ADGRL4: variants seen among roughly 807,000 people sequenced by gnomAD.
The protein encoded by ADGRL4 is adhesion G protein-coupled receptor L4.
Under a neutral mutation model 74.8 loss-of-function variants are expected in ADGRL4, and 90 were observed. That is an observed-to-expected ratio of 1.20 (90% CI 1.02 to 1.43). ADGRL4 has a LOEUF of 1.43. Ranked by LOEUF, ADGRL4 falls within the 40% of genes most tolerant of loss-of-function variation. ADGRL4 has a pLI of 0.00. For synonymous variants in ADGRL4, 311 were observed against 279.2 expected (o/e 1.11, Z -1.14); for missense variants, 881 against 814.3 (o/e 1.08, Z -1.00).
chr1:78,899,413 G>A lies in ADGRL4; in HGVS notation c.1750-6224C>T, dbSNP rs901633814. Among the ~76,000 whole-genome samples the A allele has an allele frequency of 5.3e-5, 8 of 152,180 alleles. No individual in the cohort carries two copies. The East Asian group carries it at 5.8e-4, about 11-fold the overall frequency. ...TCTGTTGCCCAGGCTGGAGTGCAGCGGTGCAATCATAGTCCACTGCAACCT... is the reference window on the plus strand; with the variant it reads ...TCTGTTGCCCAGGCTGGAGTGCAGCAGTGCAATCATAGTCCACTGCAACCT... On this transcript the variant is annotated intron_variant, in intron 12 of 14. Coordinates refer to ENST00000370742, the MANE Select transcript of ADGRL4 (RefSeq NM_022159.4).
intron 2 of ADGRL4, among the ~76,000 whole-genome samples, chr1:78,978,594 G>C (rs1650337268): frequency 7.0e-6 from 1 of 143,564 alleles, no homozygotes; most frequent in Non-Finnish European, 1.5e-5. Context: ...CCTTTGAGCA[G>C]GATTTCCCAA....
At chr1:78,910,810 C>T (rs1376021907) in intron 12 of ADGRL4, among the ~76,000 whole-genome samples, 1 of 151,734 alleles carries the variant, frequency 6.6e-6, no homozygotes, top group African/African-American at 2.4e-5. Flanking sequence ...AGTACAGTCA[C>T]AATCTTAACA....
At chr1:78,932,509 A>G (rs754345387) in intron 7 of ADGRL4, among the ~76,000 whole-genome samples, 11 of 151,026 alleles carry the variant, frequency 7.3e-5, no homozygotes, top group Non-Finnish European at 1.6e-4. Context: ...TCACAATTAA[A>G]AGAGCTAGAG....
intron 2 of ADGRL4, among the ~76,000 whole-genome samples, chr1:78,999,641 A>G (rs540773857): frequency 6.6e-6 from 1 of 152,296 alleles, no homozygotes; most frequent in East Asian, 1.9e-4. Flanking sequence ...TTCAAAATAT[A>G]TGGCAGAACA....
intron 7 of ADGRL4, among the ~76,000 whole-genome samples, chr1:78,929,352 A>T (rs1306335212): frequency 1.3e-5 from 2 of 151,300 alleles, no homozygotes; most frequent in East Asian, 1.9e-4. Flanking sequence ...ACGTCTCTAC[A>T]AAAAATAGAA....
intron 12 of ADGRL4, among the ~76,000 whole-genome samples, chr1:78,904,533 C>A (rs1648590692): frequency 6.6e-6 from 1 of 151,836 alleles, no homozygotes; most frequent in Admixed American, 6.6e-5. Context: ...AAATGAAAGA[C>A]ATTTTCAAGA....
chr1:78,995,595 A>T (rs1398029121), intron 2 of ADGRL4, among the ~76,000 whole-genome samples: 2 of 152,238 alleles, frequency 1.3e-5, no homozygotes, highest in African/African-American at 4.8e-5. Flanking sequence ...CAGGCAAGAG[A>T]TCAAAATCCA....
At position 78,929,668 on chromosome 1, in the gene ADGRL4, T is replaced by C. The variant is rs968815637; in HGVS notation, c.878-2577A>G. Among the ~76,000 whole-genome samples, 57 of 151,642 alleles carry C rather than the reference T, an allele frequency of 3.8e-4. 2 individuals carry two copies. The highest frequency in any genetic ancestry group is 1.3e-3 in the African/African-American group (55 of 40,906). On this transcript the variant is annotated intron_variant, in intron 7 of 14. Transcript: ENST00000370742. ...TGCAGACATCATTGAGAGGGTTTGA[T>C]CAATGTGTTAGATTTGTCCTTATTT...
At chr1:78,959,344 G>A (rs1464286175) in intron 2 of ADGRL4, among the ~76,000 whole-genome samples, 1 of 152,118 alleles carries the variant, frequency 6.6e-6, no homozygotes, top group East Asian at 1.9e-4. Flanking sequence ...CTACAAAATT[G>A]GCAAAGTATA....
At chr1:78,903,097 G>T (rs1002923750) in intron 12 of ADGRL4, among the ~76,000 whole-genome samples, 1 of 152,012 alleles carries the variant, frequency 6.6e-6, no homozygotes, top group Non-Finnish European at 1.5e-5. Flanking sequence ...AATGACACTG[G>T]TGTCCTCACT....
intron 3 of ADGRL4, among the ~76,000 whole-genome samples, chr1:78,941,982 G>A (rs1649494231): frequency 1.3e-5 from 2 of 151,668 alleles, no homozygotes; most frequent in Non-Finnish European, 2.9e-5. Flanking sequence ...GGTGGATCAC[G>A]AGGTCAGGAG....
chr1:78,917,585 T>A (rs758198514), intron 12 of ADGRL4, 49 bp downstream of exon 12: 1 of 1,302,704 alleles, frequency 7.7e-7, no homozygotes, highest in Non-Finnish European at 1.1e-6. Flanking sequence ...TTAAGCACCC[T>A]ATGATCATCA....
At chr1:78,978,952 A>G (rs992662600) in intron 2 of ADGRL4, among the ~76,000 whole-genome samples, 16 of 151,902 alleles carry the variant, frequency 1.1e-4, no homozygotes, top group African/African-American at 3.6e-4. Context: ...TGGACTGTGA[A>G]TATTTAGTAT....
chr1:78,969,386 T>C (rs1231342177), intron 2 of ADGRL4, among the ~76,000 whole-genome samples: 2 of 152,174 alleles, frequency 1.3e-5, no homozygotes, highest in African/African-American at 4.8e-5. Context: ...GAAACTTGCC[T>C]AGACAGTCCC....
In ADGRL4 at chr1:78,939,206, A is replaced by C; in HGVS notation, c.378T>G (p.Ile126Met). ...HLDNVCIAANINKTLTKIRSI... is the reference protein window; with the variant it reads ...HLDNVCIAANMNKTLTKIRSI... Reference sequence around the variant, plus strand: ...TACTTACTTTTGTTAAAGTTTTATTAATATTTGCAGCTATACAGACATTAT... The same window carrying C: ...TACTTACTTTTGTTAAAGTTTTATTCATATTTGCAGCTATACAGACATTAT... Residue 126 changes from isoleucine (I) to methionine (M), a missense_variant, in exon 4 of 15, where the codon ATT (isoleucine) becomes ATG (methionine). Coordinates refer to ENST00000370742, the MANE Select transcript of ADGRL4 (RefSeq NM_022159.4). 1 of 1,561,122 alleles carries C rather than the reference A, an allele frequency of 6.4e-7. No individual in the cohort carries two copies. Among genetic ancestry groups the C allele is most frequent in the South Asian group, 1.2e-5 (1 of 82,748 alleles).
intron 13 of ADGRL4, among the ~76,000 whole-genome samples, 190 bp from the exon 14 acceptor site, chr1:78,891,882 G>C (rs1356118462): frequency 6.6e-6 from 1 of 152,150 alleles, no homozygotes; most frequent in East Asian, 1.9e-4. Flanking sequence ...GTATGTTGCT[G>C]CTACTGAACC....
In ADGRL4 at chr1:78,994,649, A is replaced by G. The variant is rs893442077; in HGVS notation, c.172+10421T>C. ...TAGAGAGCATGATTAAAAACAAACAATTATTACTGACAGATAAAATTTTTT... is the reference window on the plus strand; with the variant it reads ...TAGAGAGCATGATTAAAAACAAACAGTTATTACTGACAGATAAAATTTTTT... On this transcript the variant is annotated intron_variant, in intron 2 of 14. Transcript: ENST00000370742. Among the ~76,000 whole-genome samples, 57 of 152,200 alleles carry G rather than the reference A, an allele frequency of 3.7e-4. 1 individual carries two copies. The highest frequency in any genetic ancestry group is 3.3e-3 in the Admixed American group (50 of 15,280).
chr1:78,957,443 C>T (rs1235965309), intron 2 of ADGRL4, among the ~76,000 whole-genome samples: 4 of 152,164 alleles, frequency 2.6e-5, no homozygotes, highest in Non-Finnish European at 4.4e-5. Context: ...CTCCAGTGAA[C>T]ATACAAATGC....
At chr1:78,960,095 T>A (rs1270132151) in intron 2 of ADGRL4, among the ~76,000 whole-genome samples, 1 of 152,200 alleles carries the variant, frequency 6.6e-6, no homozygotes, top group East Asian at 1.9e-4. Context: ...ATGAATCTCA[T>A]CCCTCATTGC....
Sources: gnomAD v4.1 joint callset for allele counts (sites outside exome capture counted in the v4.1 genomes callset) on GRCh38, gnomAD v4.1.1 for gene constraint, MANE v1.5 for transcripts, NCBI Gene and HGNC (gene_info 2026-07-23, HGNC 2026-07-21) for gene names.